Variants in AFG1L observed in about 807,000 individuals in gnomAD.
AFG1L encodes AFG1-like ATPase.
A neutral mutation model predicts 62.2 loss-of-function variants in AFG1L; 53 were observed. That is an observed-to-expected ratio of 0.85 (90% CI 0.68 to 1.07). The LOEUF is 1.07. Ranked by LOEUF, AFG1L falls within the 50% of genes least tolerant of loss-of-function variation. The pLI is 0.00. For missense variants in AFG1L, 555 were observed against 590.5 expected (o/e 0.94, Z 0.62); for synonymous variants, 228 against 210.3 (o/e 1.08, Z -0.73).
chr6:108,509,048 C>T (rs996032780), intron 10 of AFG1L, among the ~76,000 whole-genome samples: 5 of 152,228 alleles, frequency 3.3e-5, no homozygotes, highest in African/African-American at 1.2e-4. Flanking sequence ...CAGAAACACT[C>T]TCCCAACATT....
chr6:108,515,363 C>G (rs1394350128), intron 11 of AFG1L, among the ~76,000 whole-genome samples: 3 of 152,156 alleles, frequency 2.0e-5, no homozygotes, highest in East Asian at 1.9e-4. Context: ...AACCACTCAA[C>G]TACATGGAAA....
chr6:108,456,527 G>A (rs1040550838), intron 8 of AFG1L, among the ~76,000 whole-genome samples: 1 of 151,806 alleles, frequency 6.6e-6, no homozygotes, highest in African/African-American at 2.4e-5. Context: ...CTCTTTTAAA[G>A]TCTATAACTC....
At chr6:108,324,436 G>C (rs1381350245) in intron 2 of AFG1L, among the ~76,000 whole-genome samples, 4 of 152,174 alleles carry the variant, frequency 2.6e-5, no homozygotes, top group Admixed American at 1.3e-4. Flanking sequence ...AGAATGAGAA[G>C]AATGAAAGAT....
intron 7 of AFG1L, among the ~76,000 whole-genome samples, chr6:108,406,802 T>C (rs1781877922): frequency 6.6e-6 from 1 of 152,176 alleles, no homozygotes; most frequent in South Asian, 2.1e-4. Context: ...ATTCTGTTTG[T>C]CTTTGTGGAT....
intron 3 of AFG1L, among the ~76,000 whole-genome samples, chr6:108,352,878 T>G (rs1215007056): frequency 6.6e-6 from 1 of 152,132 alleles, no homozygotes; most frequent in Non-Finnish European, 1.5e-5. Context: ...TATATTATTT[T>G]TTATTTTAAA....
At chr6:108,370,000 A>G (rs1779933917) in intron 6 of AFG1L, among the ~76,000 whole-genome samples, 1 of 143,390 alleles carries the variant, frequency 7.0e-6, no homozygotes, top group Admixed American at 7.0e-5. Flanking sequence ...TTTAAAATAG[A>G]ACCAACTTCT....
At chr6:108,488,453 G>A (rs983170939) in intron 10 of AFG1L, among the ~76,000 whole-genome samples, 2 of 152,140 alleles carry the variant, frequency 1.3e-5, no homozygotes, top group African/African-American at 4.8e-5. Flanking sequence ...CAAAGGTTGG[G>A]GGGAGTATGA....
At chr6:108,453,834 C>T (rs1772151731) in intron 8 of AFG1L, among the ~76,000 whole-genome samples, 1 of 152,142 alleles carries the variant, frequency 6.6e-6, no homozygotes, top group Non-Finnish European at 1.5e-5. Flanking sequence ...CAATTCTGTC[C>T]CAGACACTGG....
At chr6:108,382,306 T>C (rs944183533) in intron 6 of AFG1L, among the ~76,000 whole-genome samples, 1 of 152,118 alleles carries the variant, frequency 6.6e-6, no homozygotes, top group African/African-American at 2.4e-5. Flanking sequence ...GGCTATTCAC[T>C]GTTTATTATA....
chr6:108,446,094 ACACACACACC>A (rs1476156596), intron 7 of AFG1L, among the ~76,000 whole-genome samples: 1 of 132,218 alleles, frequency 7.6e-6, no homozygotes, highest in Non-Finnish European at 1.6e-5. Context: ...ACACACACAC[ACACACACACC>A]CCTACATATA....
At chr6:108,500,532 A>C (rs1774154627) in intron 10 of AFG1L, among the ~76,000 whole-genome samples, 1 of 152,036 alleles carries the variant, frequency 6.6e-6, no homozygotes, top group African/African-American at 2.4e-5. Context: ...CATTTTCTTT[A>C]TCCAGTCCAC....
intron 2 of AFG1L, chr6:108,344,817 T>A (rs1234327873): frequency 2.1e-6 from 1 of 470,156 alleles, no homozygotes; most frequent in Admixed American, 2.4e-5. Flanking sequence ...CTCGTCTAAG[T>A]GTAACAAAAT....
At chr6:108,474,571 G>A (rs762123827) in intron 8 of AFG1L, among the ~76,000 whole-genome samples, 1 of 151,962 alleles carries the variant, frequency 6.6e-6, no homozygotes, top group Admixed American at 6.6e-5. Context: ...TTTAATAATC[G>A]CCATTCTAAC....
intron 3 of AFG1L, among the ~76,000 whole-genome samples, chr6:108,348,296 C>T (rs1042993150): frequency 6.6e-6 from 1 of 152,090 alleles, no homozygotes. Flanking sequence ...GCCAGGATGG[C>T]CTCGATCTCC....
rs1012834849 is a variant in AFG1L at position 108,390,639 on chromosome 6, C to A, written c.749-11357C>A. ...GAGTTTGCTGGAGGTCCACTCCAGACGCTGTTTGCCTGGGCATCAGCATTG... is the reference window on the plus strand; with the variant it reads ...GAGTTTGCTGGAGGTCCACTCCAGAAGCTGTTTGCCTGGGCATCAGCATTG... On this transcript the variant is annotated intron_variant, in intron 6 of 12. Transcript: ENST00000368977. 2.8e-4 allele frequency among the ~76,000 whole-genome samples: 42 copies of A among 152,336 alleles called. 1 individual carries two copies. The highest frequency in any genetic ancestry group is 9.6e-4 in the African/African-American group (40 of 41,572).
chr6:108,295,063 C>A lies in AFG1L; in HGVS notation c.-17C>A. ...CCAATAAAGTTTTCCTCTTCCTCTC[C>A]TCGTACGGAGTTCAAGATGGCGGCC... On this transcript the variant is annotated 5_prime_UTR_variant, in exon 1 of 13. Transcript: ENST00000368977. 1 of 1,609,968 alleles carries A rather than the reference C, an allele frequency of 6.2e-7. No individual in the cohort carries two copies. Among genetic ancestry groups the A allele is most frequent in the Non-Finnish European group, 8.5e-7 (1 of 1,179,968 alleles).
At chr6:108,445,616 C>A (rs1771739464) in intron 7 of AFG1L, among the ~76,000 whole-genome samples, 1 of 137,938 alleles carries the variant, frequency 7.2e-6, no homozygotes, top group Non-Finnish European at 1.5e-5. Flanking sequence ...TTTCTCAGAG[C>A]ATAGGGACAC....
intron 7 of AFG1L, among the ~76,000 whole-genome samples, chr6:108,417,652 A>C (rs1222017087): frequency 6.6e-6 from 1 of 152,134 alleles, no homozygotes; most frequent in Non-Finnish European, 1.5e-5. Context: ...TTAAATAGAA[A>C]AATTTAGGTA....
At chr6:108,437,232 A>C (rs1409416879) in intron 7 of AFG1L, among the ~76,000 whole-genome samples, 1 of 152,210 alleles carries the variant, frequency 6.6e-6, no homozygotes, top group East Asian at 1.9e-4. Context: ...TGATGGACTC[A>C]TTTATTTACA....
Sources: gnomAD v4.1 joint callset for allele counts (sites outside exome capture counted in the v4.1 genomes callset) on GRCh38, gnomAD v4.1.1 for gene constraint, MANE v1.5 for transcripts, NCBI Gene and HGNC (gene_info 2026-07-23, HGNC 2026-07-21) for gene names.